Variants in MCUB observed in about 807,000 individuals in gnomAD.
MCUB encodes the protein mitochondrial calcium uniporter dominant negative subunit beta, also known as calcium uniporter regulatory subunit MCUb, mitochondrial.
In MCUB, 46 loss-of-function variants were observed where a neutral mutation model predicts 41.4. The observed-to-expected ratio is 1.11, with a 90% confidence interval of 0.88 to 1.42. MCUB has a LOEUF of 1.42. MCUB is among the 40% of genes most tolerant of loss of function. The pLI is 0.00. For missense variants in MCUB, 403 were observed against 404.9 expected (o/e 1.00, Z 0.04); for synonymous variants, 148 against 148.2 (o/e 1.00, Z 0.01).
chr4:109,655,430 G>A (rs573678089), intron 1 of MCUB, among the ~76,000 whole-genome samples: 3 of 152,156 alleles, frequency 2.0e-5, no homozygotes, highest in Admixed American at 1.3e-4. Flanking sequence ...TGGGAAGATG[G>A]GACTGAACAT....
intron 1 of MCUB, among the ~76,000 whole-genome samples, chr4:109,592,936 A>G (rs1335964426): frequency 6.6e-6 from 1 of 152,224 alleles, no homozygotes; most frequent in African/African-American, 2.4e-5. Context: ...TCAGAAAAAA[A>G]CATGTTTAAG....
At chr4:109,598,266 C>G (rs1351009402) in intron 1 of MCUB, among the ~76,000 whole-genome samples, 1 of 151,658 alleles carries the variant, frequency 6.6e-6, no homozygotes, top group African/African-American at 2.4e-5. Flanking sequence ...GAGGTTGTAG[C>G]GAGCCGAGAT....
chr4:109,621,092 G>C (rs952288943), intron 1 of MCUB, among the ~76,000 whole-genome samples: 3 of 151,936 alleles, frequency 2.0e-5, no homozygotes, highest in African/African-American at 7.3e-5. Flanking sequence ...GTACAGACGG[G>C]GTTTCACCAT....
chr4:109,687,337 T>C (rs576098134), intron 7 of MCUB, among the ~76,000 whole-genome samples, 178 bp from the exon 8 acceptor site: 36 of 152,212 alleles, frequency 2.4e-4, no homozygotes, highest in African/African-American at 8.4e-4. Context: ...CCTGCCTGGG[T>C]GACAGAATGA....
At chr4:109,593,451 C>G (rs1727485665) in intron 1 of MCUB, among the ~76,000 whole-genome samples, 1 of 152,172 alleles carries the variant, frequency 6.6e-6, no homozygotes, top group Admixed American at 6.5e-5. Flanking sequence ...TCAAGCATGT[C>G]TAAGACAGAG....
chr4:109,647,266 G>T (rs1297813308), intron 1 of MCUB, among the ~76,000 whole-genome samples: 1 of 152,184 alleles, frequency 6.6e-6, no homozygotes, highest in South Asian at 2.1e-4. Context: ...GGACAAATAT[G>T]TAGTGATGTG....
intron 1 of MCUB, among the ~76,000 whole-genome samples, chr4:109,591,310 C>G (rs952168664): frequency 6.6e-6 from 1 of 152,068 alleles, no homozygotes; most frequent in Non-Finnish European, 1.5e-5. Context: ...CTCAGCCTCC[C>G]GAGTAGCTGG....
chr4:109,685,095 G>C (rs963993062), intron 6 of MCUB, 156 bp from the exon 7 acceptor site: 2 of 504,030 alleles, frequency 4.0e-6, no homozygotes, highest in Admixed American at 3.4e-5. Flanking sequence ...TAAATGTTTT[G>C]TGTTGGCTTA....
chr4:109,581,101 G>A (rs1288882835), intron 1 of MCUB, among the ~76,000 whole-genome samples: 1 of 152,180 alleles, frequency 6.6e-6, no homozygotes, highest in Admixed American at 6.5e-5. Flanking sequence ...AACAAAGCTG[G>A]AGGCATCATG....
In MCUB at chr4:109,590,018, G is replaced by A. The variant is rs180804016; in HGVS notation, c.99+29582G>A. ...ATTTGTCTAGTGGTAAGCTCTCTAC[G>A]TTGTTCCTTTTTTTAACTAGGGAGG... is the stretch of plus-strand genomic sequence containing the variant. On this transcript the variant is annotated intron_variant, in intron 1 of 7. Transcript: ENST00000394650. 2.1e-4 allele frequency among the ~76,000 whole-genome samples: 32 copies of A among 152,226 alleles called. No individual in the cohort carries two copies. The East Asian group carries it at 4.1e-3, about 19-fold the overall frequency.
chr4:109,659,010 G>T lies in MCUB; in HGVS notation c.100-1G>T. 1 of 1,518,120 alleles carries T rather than the reference G, an allele frequency of 6.6e-7. No homozygotes were observed. Among genetic ancestry groups the T allele is most frequent in the Non-Finnish European group, 9.0e-7 (1 of 1,116,874 alleles). The allele number at this position is 1,518,120 out of a possible 1,614,324, so 94.0% of individuals were successfully genotyped here. ...AACAAATTAATTTTTCCTTCTTGTAGGTTTTGCGTGTGAAGCTGTGTGGAA... is the reference window on the plus strand; with the variant it reads ...AACAAATTAATTTTTCCTTCTTGTATGTTTTGCGTGTGAAGCTGTGTGGAA... On this transcript the variant is annotated splice_acceptor_variant, in intron 1 of 7. Coordinates refer to ENST00000394650, the MANE Select transcript of MCUB (RefSeq NM_017918.5). LOFTEE classifies it high-confidence loss of function.
At chr4:109,584,447 TCTC>T (rs1390823746) in intron 1 of MCUB, among the ~76,000 whole-genome samples, 1 of 152,212 alleles carries the variant, frequency 6.6e-6, no homozygotes, top group Non-Finnish European at 1.5e-5. Context: ...TGTGTCTCTG[TCTC>T]CTTCAGTTCT....
At chr4:109,684,061 T>C (rs1729776451) in intron 5 of MCUB, among the ~76,000 whole-genome samples, 1 of 140,014 alleles carries the variant, frequency 7.1e-6, no homozygotes, top group Non-Finnish European at 1.6e-5. Flanking sequence ...AGAGTTCCTC[T>C]TTTCTTTTTT....
At chr4:109,567,131 CAAAA>C (rs397994929) in intron 1 of MCUB, among the ~76,000 whole-genome samples, 3 of 55,992 alleles carry the variant, frequency 5.4e-5, no homozygotes, top group South Asian at 1.4e-3. Flanking sequence ...GACTCCATCT[CAAAA>C]AAAAAAAAAA....
intron 1 of MCUB, among the ~76,000 whole-genome samples, chr4:109,587,449 G>C (rs9991035): frequency 0.21 from 32,311 of 152,048 alleles, 4,816 homozygotes; most frequent in African/African-American, 0.41. Flanking sequence ...ATTCGGCTTG[G>C]CCTCCATGGG....
chr4:109,663,316 T>A (rs1429504198), intron 3 of MCUB, among the ~76,000 whole-genome samples: 3 of 152,244 alleles, frequency 2.0e-5, no homozygotes, highest in Non-Finnish European at 4.4e-5. Flanking sequence ...GTGAATTTGC[T>A]TTCTTAACAC....
intron 1 of MCUB, among the ~76,000 whole-genome samples, chr4:109,580,638 G>A (rs1287117821): frequency 1.3e-5 from 2 of 152,136 alleles, no homozygotes; most frequent in Non-Finnish European, 2.9e-5. Flanking sequence ...CAGTGATGAT[G>A]AGCATTTTTT....
At chr4:109,597,755 G>A (rs1490984503) in intron 1 of MCUB, among the ~76,000 whole-genome samples, 41 of 147,584 alleles carry the variant, frequency 2.8e-4, no homozygotes, top group African/African-American at 8.9e-4. Context: ...CCTCCCTCCC[G>A]GACGGGGTGG....
intron 4 of MCUB, among the ~76,000 whole-genome samples, chr4:109,666,767 C>G (rs1480895463): frequency 6.6e-6 from 1 of 152,096 alleles, no homozygotes; most frequent in Non-Finnish European, 1.5e-5. Context: ...GGAAATTGCC[C>G]TCTGTTCCTG....
Sources: allele counts gnomAD v4.1 joint callset (sites outside exome capture counted in the v4.1 genomes callset), GRCh38; gene constraint gnomAD v4.1.1; transcripts MANE v1.5; gene names NCBI Gene and HGNC (gene_info 2026-07-23, HGNC 2026-07-21).